Variants in BCR observed in about 807,000 individuals in gnomAD.
BCR encodes breakpoint cluster region protein.
BCR carries 58 observed loss-of-function variants against 138.6 expected under a neutral mutation model. That is an observed-to-expected ratio of 0.42 (90% CI 0.34 to 0.52). BCR has a LOEUF of 0.52. BCR is among the 20% of genes least tolerant of loss of function. BCR has a pLI of 0.06. For synonymous variants in BCR, 786 were observed against 730.1 expected, an observed-to-expected ratio of 1.08 and a Z score of -1.23; for missense variants, 1,599 against 1,727.2, an observed-to-expected ratio of 0.93 and a Z score of 1.32.
At chr22:23,216,936 C>T (rs1030436168) in intron 1 of BCR, 9 of 342,532 alleles carry the variant, frequency 2.6e-5, no homozygotes, top group South Asian at 6.1e-5. Flanking sequence ...GAACTTCCAC[C>T]GGATTCTGTT....
chr22:23,292,253 T>A (rs1034183851), intron 14 of BCR, among the ~76,000 whole-genome samples: 3 of 152,140 alleles, frequency 2.0e-5, no homozygotes, highest in African/African-American at 7.2e-5. Context: ...CTTCTCATCG[T>A]AGGGGCTTTA....
intron 4 of BCR, among the ~76,000 whole-genome samples, chr22:23,267,269 C>T (rs979627423): frequency 9.9e-5 from 15 of 152,112 alleles, no homozygotes; most frequent in Non-Finnish European, 1.8e-4. Flanking sequence ...CATCACTGCA[C>T]GGATGAGGAA....
intron 1 of BCR, among the ~76,000 whole-genome samples, chr22:23,230,993 C>T (rs763737993): frequency 6.6e-6 from 1 of 152,182 alleles, no homozygotes; most frequent in Non-Finnish European, 1.5e-5. Context: ...TCACCATGCA[C>T]CAGGCCAGTT....
chr22:23,287,310 C>A, intron 11 of BCR, 32 bp downstream of exon 11: 1 of 1,504,926 alleles, frequency 6.6e-7, no homozygotes, highest in South Asian at 1.3e-5. Context: ...CCCTCCTGCT[C>A]TCCTGGCCTG....
chr22:23,246,874 G>A (rs1011855115), intron 1 of BCR, among the ~76,000 whole-genome samples: 4 of 151,944 alleles, frequency 2.6e-5, no homozygotes, highest in East Asian at 1.9e-4. Flanking sequence ...GTTCTGCTAC[G>A]ATAGCCAGCT....
intron 1 of BCR, among the ~76,000 whole-genome samples, chr22:23,202,082 A>T (rs1017712378): frequency 6.6e-6 from 1 of 152,164 alleles, no homozygotes; most frequent in South Asian, 2.1e-4. Context: ...GGGCCATATT[A>T]TTACTTTGTA....
At chr22:23,186,550 A>C (rs75554705) in intron 1 of BCR, among the ~76,000 whole-genome samples, 1 of 151,984 alleles carries the variant, frequency 6.6e-6, no homozygotes, top group African/African-American at 2.4e-5. Flanking sequence ...ATAACTCCCC[A>C]TTCCCTGCCC....
intron 1 of BCR, among the ~76,000 whole-genome samples, chr22:23,243,977 G>A (rs1345732287): frequency 6.6e-6 from 1 of 152,082 alleles, no homozygotes; most frequent in Non-Finnish European, 1.5e-5. Flanking sequence ...GGGGTTGTGG[G>A]AACACCCCAT....
At chr22:23,289,839 G>T in intron 13 of BCR, 1 of 581,546 alleles carries the variant, frequency 1.7e-6, no homozygotes, top group Non-Finnish European at 3.1e-6. Flanking sequence ...GGGTGGTTGA[G>T]GAGATGCACG....
Position 23,295,049 on chromosome 22 carries a change from C to G in BCR, c.2906C>G (p.Ser969Cys). Residue 969 changes from serine to cysteine, a missense_variant, in exon 16 of 23, where the codon TCC (serine) becomes TGC (cysteine). Ser to Cys is a moderately radical substitution (Grantham distance 112, BLOSUM62 -1). This residue lies in a region of BCR where 590 missense variants were observed against 762.4 expected (regional missense o/e 0.77). Coordinates refer to ENST00000305877, the MANE Select transcript of BCR (RefSeq NM_004327.4). ...NEEFEIELEG[S>C]QTLRILCYEK... ...GAATTTGAGATAGAGCTGGAGGGCTCCCAGACCCTGAGGATACTGTGCTAT... is the reference window on the plus strand; with the variant it reads ...GAATTTGAGATAGAGCTGGAGGGCTGCCAGACCCTGAGGATACTGTGCTAT... The G allele has an allele frequency of 6.2e-7, 1 of 1,614,124 alleles. No homozygotes were observed. Among genetic ancestry groups the G allele is most frequent in the Non-Finnish European group, 8.5e-7 (1 of 1,180,008 alleles).
intron 16 of BCR, among the ~76,000 whole-genome samples, chr22:23,297,568 C>T (rs2073860465): frequency 6.6e-6 from 1 of 152,138 alleles, no homozygotes; most frequent in Non-Finnish European, 1.5e-5. Flanking sequence ...TTTTCTGTCT[C>T]CCCCACCCAG....
At chr22:23,261,215 G>A in intron 3 of BCR, 140 bp from the exon 4 acceptor site, 2 of 1,274,970 alleles carry the variant, frequency 1.6e-6, no homozygotes, top group Non-Finnish European at 2.2e-6. Context: ...AAACCAAGCT[G>A]GTTTTAAAAT....
intron 16 of BCR, among the ~76,000 whole-genome samples, chr22:23,298,296 T>A (rs1234589608): frequency 1.3e-5 from 2 of 152,178 alleles, no homozygotes; most frequent in Non-Finnish European, 2.9e-5. Context: ...GTGAGGAATC[T>A]GATCAGATAG....
At chr22:23,198,153 T>G (rs981724032) in intron 1 of BCR, 2 of 328,796 alleles carry the variant, frequency 6.1e-6, no homozygotes, top group African/African-American at 4.5e-5. Context: ...GAAGCCAGGC[T>G]CCAAGTGAGT....
intron 1 of BCR, among the ~76,000 whole-genome samples, 187 bp from the exon 2 acceptor site, chr22:23,253,612 A>G (rs758907941): frequency 3.9e-5 from 6 of 152,112 alleles, no homozygotes; most frequent in Non-Finnish European, 8.8e-5. Context: ...GAGTGAGCTC[A>G]TGTTCATCCC....
intron 1 of BCR, among the ~76,000 whole-genome samples, chr22:23,185,215 C>A (rs1261835956): frequency 6.6e-6 from 1 of 152,186 alleles, no homozygotes; most frequent in African/African-American, 2.4e-5. Context: ...CAGAGCTGTT[C>A]CGTTTGGCAC....
At chr22:23,274,000 C>T (rs1568967456) in intron 8 of BCR, among the ~76,000 whole-genome samples, 1 of 152,212 alleles carries the variant, frequency 6.6e-6, no homozygotes, top group African/African-American at 2.4e-5. Context: ...ATCACCATGC[C>T]TCACTCAGCC....
Position 23,204,014 on chromosome 22 carries a change from G to A in BCR, c.1279+21775G>A. Among the ~76,000 whole-genome samples the A allele has an allele frequency of 1.3e-5, 2 of 152,198 alleles. 1 individual carries two copies. The highest frequency in any genetic ancestry group is 4.2e-4 in the South Asian group (2 of 4,818). ...CCTGTGCAGGCAGTGGGTTCAGATG[G>A]TCTTGGCTGGAAGGAGGGCAGATAA... is the stretch of plus-strand genomic sequence containing the variant. On this transcript the variant is annotated intron_variant, in intron 1 of 22. Coordinates refer to ENST00000305877, the MANE Select transcript of BCR (RefSeq NM_004327.4).
At chr22:23,186,539 A>G (rs1010254299) in intron 1 of BCR, among the ~76,000 whole-genome samples, 1 of 152,132 alleles carries the variant, frequency 6.6e-6, no homozygotes, top group East Asian at 1.9e-4. Context: ...CCCAGTGAAT[A>G]ATAACTCCCC....
Sources: allele counts gnomAD v4.1 joint callset (sites outside exome capture counted in the v4.1 genomes callset), GRCh38; gene constraint gnomAD v4.1.1; regional missense constraint gnomAD v4.1.1; transcripts MANE v1.5; gene names NCBI Gene and HGNC (gene_info 2026-07-23, HGNC 2026-07-21).